MYO1H: variants seen among roughly 807,000 people sequenced by gnomAD.
MYO1H encodes the protein unconventional myosin-Ih.
Under a neutral mutation model 149.3 loss-of-function variants are expected in MYO1H, and 118 were observed. The observed-to-expected ratio is 0.79, with a 90% confidence interval of 0.68 to 0.92. The LOEUF (loss-of-function observed/expected upper bound fraction) is 0.92. MYO1H is among the 40% of genes least tolerant of loss of function. The probability of loss-of-function intolerance (pLI) is 0.00; values close to 1 mark genes in which losing one functional copy is unlikely to be tolerated. For missense variants in MYO1H, 1,212 were observed against 1,280.7 expected, an observed-to-expected ratio of 0.95 and a Z score of 0.82; for synonymous variants, 447 against 465.2, an observed-to-expected ratio of 0.96 and a Z score of 0.50.
chr12:109,363,375 A>G (rs943559456), intron 1 of MYO1H, among the ~76,000 whole-genome samples: 5 of 152,154 alleles, frequency 3.3e-5, no homozygotes, highest in Non-Finnish European at 7.3e-5. Flanking sequence ...GAAGAGAGGA[A>G]TCCAGAAATC....
rs1409791906 is a variant in MYO1H at position 109,388,985 on chromosome 12, T to C, written c.174+141T>C. On this transcript the variant is annotated intron_variant, in intron 2 of 31. Transcript: ENST00000310903. ...CTGAGGCGCCACTCTTAGATGCACT[T>C]CGATCCTTTGTGCTAAGACGTTTAT... The C allele has an allele frequency of 2.4e-5, 27 of 1,125,924 alleles. No homozygotes were observed. In the East Asian group the frequency reaches 6.6e-4, roughly 28 times the overall value. 69.7% of individuals were successfully genotyped at this position (1,125,924 alleles called of 1,614,324 possible).
intron 16 of MYO1H, among the ~76,000 whole-genome samples, chr12:109,424,208 TG>T (rs1278922082): frequency 6.6e-6 from 1 of 152,196 alleles, no homozygotes. Context: ...TCACTCAGGC[TG>T]GAGTGCAGTG....
At chr12:109,440,413 C>A (rs1392543649) in intron 24 of MYO1H, among the ~76,000 whole-genome samples, 1 of 152,170 alleles carries the variant, frequency 6.6e-6, no homozygotes, top group East Asian at 1.9e-4. Context: ...GATCTGAGGA[C>A]CCTCTGTGTC....
At chr12:109,326,438 A>G in the MYO1H span, among the ~76,000 whole-genome samples, 2 of 152,158 alleles carry the variant, frequency 1.3e-5, no homozygotes, top group Admixed American at 1.3e-4. Flanking sequence ...CAAGTGAGTA[A>G]CAAGCCACCT....
chr12:109,420,358 A>AG (rs1871122769), intron 15 of MYO1H, among the ~76,000 whole-genome samples: 1 of 152,312 alleles, frequency 6.6e-6, no homozygotes, highest in Admixed American at 6.5e-5. Context: ...ATTGCTATAA[A>AG]GAACTACCTG....
At chr12:109,443,056 G>A (rs377155253) in intron 27 of MYO1H, among the ~76,000 whole-genome samples, 47 of 43,094 alleles carry the variant, frequency 1.1e-3, no homozygotes, top group East Asian at 2.2e-3. Context: ...GTATATATGT[G>A]TACGTATGTG....
intron 5 of MYO1H, 80 bp downstream of exon 5, chr12:109,397,892 G>T: frequency 1.9e-6 from 2 of 1,044,570 alleles, no homozygotes; most frequent in South Asian, 1.9e-5. Flanking sequence ...GCCCCTTAAG[G>T]GGAGAACGGC....
chr12:109,381,594 C>CAGGA (rs1869205694), intron 1 of MYO1H, among the ~76,000 whole-genome samples: 1 of 152,110 alleles, frequency 6.6e-6, no homozygotes, highest in Non-Finnish European at 1.5e-5. Context: ...CACTTGAGGT[C>CAGGA]AGGAGTTCGA....
exon 25 of MYO1H, chr12:109,440,780 C>T (rs749452225): frequency 2.0e-5 from 32 of 1,565,584 alleles, no homozygotes; most frequent in Middle Eastern, 1.7e-4. Flanking sequence ...CGTGAGGAAC[C>T]TGGTGCAGAA....
the MYO1H span, among the ~76,000 whole-genome samples, chr12:109,333,283 G>A: frequency 2.6e-5 from 4 of 152,020 alleles, no homozygotes; most frequent in South Asian, 2.1e-4. Flanking sequence ...CCGCACCATC[G>A]CACTCTAGCC....
At chr12:109,334,512 A>G in the MYO1H span, among the ~76,000 whole-genome samples, 5 of 152,210 alleles carry the variant, frequency 3.3e-5, no homozygotes, top group East Asian at 9.6e-4. Context: ...GTTGTAGATG[A>G]GAAAATAAGG....
intron 27 of MYO1H, among the ~76,000 whole-genome samples, chr12:109,442,684 T>G (rs1010692221): frequency 2.6e-5 from 4 of 151,994 alleles, no homozygotes; most frequent in Admixed American, 1.3e-4. Context: ...TGAATGAGGA[T>G]GATGGGTTTA....
At chr12:109,335,510 C>T in the MYO1H span, among the ~76,000 whole-genome samples, 1 of 152,042 alleles carries the variant, frequency 6.6e-6, no homozygotes, top group Admixed American at 6.5e-5. Flanking sequence ...AAACCCTATC[C>T]CCCGTCAATC....
intron 1 of MYO1H, among the ~76,000 whole-genome samples, chr12:109,349,420 T>G (rs1389388791): frequency 6.6e-6 from 1 of 151,838 alleles, no homozygotes; most frequent in Non-Finnish European, 1.5e-5. Context: ...CCTAGCACTT[T>G]GGAAGGCCAA....
chr12:109,340,655 TG>T, the MYO1H span, among the ~76,000 whole-genome samples: 1 of 152,120 alleles, frequency 6.6e-6, no homozygotes, highest in Non-Finnish European at 1.5e-5. Flanking sequence ...CAGTACAAAA[TG>T]GGAGAAGTAG....
intron 2 of MYO1H, among the ~76,000 whole-genome samples, chr12:109,389,544 C>T (rs1265028381): frequency 3.3e-5 from 5 of 152,176 alleles, no homozygotes; most frequent in South Asian, 4.1e-4. Flanking sequence ...CCACACCCCA[C>T]GAATGGTCAA....
chr12:109,436,443 C>T (rs755103850), intron 21 of MYO1H, 45 bp from the exon 22 acceptor site: 27 of 1,440,276 alleles, frequency 1.9e-5, no homozygotes, highest in East Asian at 7.0e-5. Flanking sequence ...CACAAAGATG[C>T]GCAAATGCAA....
At chr12:109,444,589 G>T in intron 30 of MYO1H, 60 bp downstream of exon 30, 1 of 1,323,986 alleles carries the variant, frequency 7.6e-7, no homozygotes, top group South Asian at 1.2e-5. Flanking sequence ...TATTAAGGCC[G>T]AGCGTGGTGG....
At chr12:109,370,458 A>T (rs1868957894) in intron 1 of MYO1H, among the ~76,000 whole-genome samples, 1 of 152,200 alleles carries the variant, frequency 6.6e-6, no homozygotes, top group South Asian at 2.1e-4. Context: ...AGCCTCCCCC[A>T]TCACTTAGCT....
Sources: gnomAD v4.1 joint callset for allele counts (sites outside exome capture counted in the v4.1 genomes callset) on GRCh38, gnomAD v4.1.1 for gene constraint, MANE v1.5 for transcripts, NCBI Gene and HGNC (gene_info 2026-07-23, HGNC 2026-07-21) for gene names.